Variants in KIF6 observed in about 807,000 individuals in gnomAD.
KIF6 encodes kinesin family member 6.
In KIF6, 106 loss-of-function variants were observed where a neutral mutation model predicts 112.7. That is an observed-to-expected ratio of 0.94 (90% CI 0.80 to 1.11). The LOEUF is 1.11. KIF6 is among the 50% of genes least tolerant of loss of function. The pLI, the probability that KIF6 is intolerant of heterozygous loss-of-function variation, is 0.00. For missense variants in KIF6, 929 were observed against 964.0 expected (o/e 0.96, Z 0.48); for synonymous variants, 339 against 339.9 (o/e 1.00, Z 0.03).
chr6:39,591,195 C>T (rs1382258572), intron 7 of KIF6, among the ~76,000 whole-genome samples: 2 of 152,138 alleles, frequency 1.3e-5, no homozygotes, highest in African/African-American at 4.8e-5. Flanking sequence ...CTACCTGGGG[C>T]GCTGGGACGG....
intron 13 of KIF6, among the ~76,000 whole-genome samples, chr6:39,464,870 T>C (rs548437774): frequency 3.3e-5 from 5 of 152,344 alleles, no homozygotes; most frequent in South Asian, 2.1e-4. Context: ...CTCTTATTAA[T>C]ATGCAACAAA....
intron 15 of KIF6, among the ~76,000 whole-genome samples, chr6:39,403,149 T>C (rs1278399258): frequency 6.6e-6 from 1 of 152,248 alleles, no homozygotes; most frequent in Non-Finnish European, 1.5e-5. Context: ...TCCTGTCTTC[T>C]TTCCTTGGTG....
At chr6:39,712,072 G>T (rs919464599) in intron 3 of KIF6, among the ~76,000 whole-genome samples, 4 of 152,042 alleles carry the variant, frequency 2.6e-5, no homozygotes, top group Non-Finnish European at 5.9e-5. Flanking sequence ...AAAAATTAGG[G>T]AGTATAATAA....
In KIF6 at chr6:39,711,085, A is replaced by T. The variant is rs183517751; in HGVS notation, c.251+3607T>A. ...AAATAAATAAAAATGAGATCACTTT[A>T]AAAAAAAAAGAAAGAATTTTTTTTA... On this transcript the variant is annotated intron_variant, in intron 3 of 22. Coordinates refer to ENST00000287152, the MANE Select transcript of KIF6 (RefSeq NM_145027.6). Among the ~76,000 whole-genome samples, 1,156 of 145,320 alleles carry T rather than the reference A, an allele frequency of 8.0e-3. 13 individuals carry two copies. The highest frequency in any genetic ancestry group is 0.028 in the African/African-American group (1,075 of 38,676).
At chr6:39,573,890 C>T (rs1484184667) in intron 10 of KIF6, among the ~76,000 whole-genome samples, 4 of 152,116 alleles carry the variant, frequency 2.6e-5, no homozygotes. Flanking sequence ...CATATTTGTG[C>T]CCCACTCAGG....
At chr6:39,564,677 A>G (rs1780189913) in intron 10 of KIF6, among the ~76,000 whole-genome samples, 1 of 152,194 alleles carries the variant, frequency 6.6e-6, no homozygotes, top group African/African-American at 2.4e-5. Context: ...CTTACATTTT[A>G]TCTTGGTGTG....
intron 3 of KIF6, among the ~76,000 whole-genome samples, chr6:39,653,104 T>C (rs1008478393): frequency 2.0e-5 from 3 of 152,240 alleles, no homozygotes; most frequent in Non-Finnish European, 4.4e-5. Context: ...CATATTCCAC[T>C]ACTTTTCATT....
At chr6:39,571,206 C>G (rs1442283971) in intron 10 of KIF6, among the ~76,000 whole-genome samples, 1 of 152,090 alleles carries the variant, frequency 6.6e-6, no homozygotes, top group African/African-American at 2.4e-5. Context: ...ATATGTGAAA[C>G]CATCACTTCT....
At chr6:39,443,792 A>G (rs1772123823) in intron 13 of KIF6, among the ~76,000 whole-genome samples, 1 of 152,204 alleles carries the variant, frequency 6.6e-6, no homozygotes, top group Non-Finnish European at 1.5e-5. Flanking sequence ...ATTCTAGCTA[A>G]GGAGCAAAAA....
At chr6:39,493,952 C>T (rs757133882) in intron 13 of KIF6, among the ~76,000 whole-genome samples, 2 of 152,082 alleles carry the variant, frequency 1.3e-5, no homozygotes, top group Non-Finnish European at 2.9e-5. Flanking sequence ...CAAAAATTTC[C>T]CCACTCCTTT....
rs560656796 is a variant in KIF6 at position 39,583,135 on chromosome 6, AAAAC to A, written c.1077+1759_1077+1762del. On this transcript the variant is annotated intron_variant, in intron 9 of 22. Transcript: ENST00000287152. ...AAGAAAAATCTCTAGCCAAATGCAAAAAACAAACAAACAAACAAACAAACAAAAA... is the reference window on the plus strand; with the variant it reads ...AAGAAAAATCTCTAGCCAAATGCAAAAAACAAACAAACAAACAAACAAAAA... The A allele has an allele frequency of 7.3e-4, 188 of 259,032 alleles. 1 individual carries two copies. The highest frequency in any genetic ancestry group is 4.6e-3 in the Middle Eastern group (3 of 648). The allele number at this position is 259,032 out of a possible 1,614,324, so 16.0% of individuals were successfully genotyped here.
chr6:39,343,114 T>A lies in KIF6; in HGVS notation c.2428+595A>T, dbSNP rs1178562279. 2.0e-6 allele frequency: 2 copies of A among 984,956 alleles called. No homozygotes were observed. Among genetic ancestry groups the A allele is most frequent in the Admixed American group, 6.2e-5 (1 of 16,248 alleles). 61.0% of individuals were successfully genotyped at this position (984,956 alleles called of 1,614,324 possible). On this transcript the variant is annotated intron_variant, in intron 22 of 22. Transcript: ENST00000287152. The surrounding 1 kb of genome is among the most constrained non-coding windows in gnomAD (Gnocchi z 4.1). ...AGAGAAAAGGCCCAGCCACAGCAGA[T>A]GGGAGATGGGCAGCTGCCAAGAGGA...
Position 39,634,877 on chromosome 6 carries a change from G to C in KIF6, c.481C>G (p.His161Asp). 6.2e-7 allele frequency: 1 copy of C among 1,610,448 alleles called. No homozygotes were observed. The highest frequency in any genetic ancestry group is 8.5e-7 in the Non-Finnish European group (1 of 1,176,944). ...ECGYDLLDPR[H>D]EASSLEDLPK... ...AAATCTTCCAAACTGGAGGCTTCAT[G>C]TCTTGGATCCAAAAGATCATAACCA... The change falls in exon 5 of 23, where the codon CAT (histidine) becomes GAT (aspartate). Residue 161 changes from histidine (H) to aspartate (D), a missense_variant. Transcript: ENST00000287152.
At chr6:39,694,303 T>C (rs1424216244) in intron 3 of KIF6, among the ~76,000 whole-genome samples, 2 of 152,134 alleles carry the variant, frequency 1.3e-5, no homozygotes, top group Non-Finnish European at 2.9e-5. Flanking sequence ...AACATAGGAC[T>C]GGAAGTCCCA....
At chr6:39,524,537 A>G (rs1777595017) in intron 13 of KIF6, among the ~76,000 whole-genome samples, 1 of 152,190 alleles carries the variant, frequency 6.6e-6, no homozygotes, top group South Asian at 2.1e-4. Flanking sequence ...CTCACTGTCA[A>G]GCCTATCTGG....
intron 2 of KIF6, chr6:39,715,076 T>C (rs556495437): frequency 4.8e-6 from 1 of 206,646 alleles, no homozygotes; most frequent in Admixed American, 5.6e-5. Flanking sequence ...TGTCTACAAT[T>C]GGCAAGAAAT....
intron 10 of KIF6, among the ~76,000 whole-genome samples, chr6:39,553,263 T>C (rs572799238): frequency 1.3e-5 from 2 of 152,340 alleles, no homozygotes; most frequent in South Asian, 2.1e-4. Context: ...AGAAAGTTCA[T>C]GGTTTTGGTG....
intron 22 of KIF6, among the ~76,000 whole-genome samples, chr6:39,337,164 T>C (rs796492540): frequency 0.13 from 9,111 of 71,988 alleles, 1,014 homozygotes; most frequent in East Asian, 0.18. Context: ...CTTTTCTTTC[T>C]TTCCTTCCTT....
At position 39,360,400 on chromosome 6, in the gene KIF6, G is replaced by A; in HGVS notation, c.2077C>T (p.Leu693=). Residue 693 remains leucine (L), a synonymous_variant, in exon 18 of 23, where the codon CTG becomes TTG. Transcript: ENST00000287152. ...EVWWAEEATN[L]QVNSPAVNSL... ...TGATGTTCCCCAGGCCATACCTGCA[G>A]GTTGGTGGCCTCCTCTGCCCACCAG... 6.2e-7 allele frequency: 1 copy of A among 1,614,134 alleles called. No homozygotes were observed. Among genetic ancestry groups the A allele is most frequent in the Non-Finnish European group, 8.5e-7 (1 of 1,180,010 alleles).
Sources: allele counts gnomAD v4.1 joint callset (sites outside exome capture counted in the v4.1 genomes callset), GRCh38; gene constraint gnomAD v4.1.1; non-coding constraint Gnocchi (gnomAD v3.1); transcripts MANE v1.5; gene names NCBI Gene and HGNC (gene_info 2026-07-23, HGNC 2026-07-21).